GALNT2: variants seen among roughly 807,000 people sequenced by gnomAD.
GALNT2 encodes UDP-GalNAc:polypeptide N-acetylgalactosaminyltransferase 2.
A neutral mutation model predicts 81.4 loss-of-function variants in GALNT2; 31 were observed. The observed-to-expected ratio is 0.38, with a 90% confidence interval of 0.29 to 0.51. The LOEUF (loss-of-function observed/expected upper bound fraction) is 0.51. GALNT2 is among the 20% of genes least tolerant of loss of function. The pLI, the probability that GALNT2 is intolerant of heterozygous loss-of-function variation, is 0.87. For missense variants in GALNT2, 629 were observed against 765.7 expected (o/e 0.82, Z 2.11); for synonymous variants, 303 against 287.4 (o/e 1.05, Z -0.55).
intron 1 of GALNT2, among the ~76,000 whole-genome samples, chr1:230,153,927 C>T (rs1293268606): frequency 6.6e-6 from 1 of 152,242 alleles, no homozygotes; most frequent in Non-Finnish European, 1.5e-5. Context: ...GTGCCCAGTG[C>T]CTCTTACAAA....
intron 2 of GALNT2, among the ~76,000 whole-genome samples, chr1:230,182,041 T>C (rs1349102202): frequency 1.3e-5 from 2 of 152,222 alleles, no homozygotes; most frequent in Admixed American, 6.5e-5. Context: ...GTTCATACTA[T>C]TCCGTATTGT....
chr1:230,189,810 A>G (rs1040903113), intron 2 of GALNT2, among the ~76,000 whole-genome samples: 1 of 152,192 alleles, frequency 6.6e-6, no homozygotes, highest in East Asian at 1.9e-4. Flanking sequence ...CCAATGTCCC[A>G]TTCCTCCCTC....
chr1:230,057,881 T>C, upstream of GALNT2: 1 of 340,288 alleles, frequency 2.9e-6, no homozygotes, highest in Non-Finnish European at 6.0e-6. Context: ...GCAGGAGGGG[T>C]AGGAAATGGG....
chr1:230,243,252 G>A lies in GALNT2; in HGVS notation c.608-54G>A. 1 of 1,550,598 alleles carries A rather than the reference G, an allele frequency of 6.4e-7. No homozygotes were observed. The highest frequency in any genetic ancestry group is 8.7e-7 in the Non-Finnish European group (1 of 1,150,250). ...AGGCGTCGCCGGTTGGCATGGGGTT[G>A]TGCTGGCCCTGTGGCTTCTCTCTCC... On this transcript the variant is annotated intron_variant, in intron 6 of 15. Coordinates refer to ENST00000366672, the MANE Select transcript of GALNT2 (RefSeq NM_004481.5). The surrounding 1 kb of genome is among the most constrained non-coding windows in gnomAD (Gnocchi z 4.2).
intron 3 of GALNT2, among the ~76,000 whole-genome samples, chr1:230,233,852 G>T (rs1664941902): frequency 6.6e-6 from 1 of 152,172 alleles, no homozygotes; most frequent in African/African-American, 2.4e-5. Flanking sequence ...TCTGCATAGG[G>T]GAGAGGCAAG....
At chr1:230,263,897 G>A (rs1467347789) in intron 13 of GALNT2, 2 of 152,226 alleles carry the variant, frequency 1.3e-5, no homozygotes, top group African/African-American at 4.8e-5. Flanking sequence ...GGACAGTTAG[G>A]TAATGCGGCC....
At chr1:230,249,748 G>A (rs185255258) in intron 9 of GALNT2, among the ~76,000 whole-genome samples, 10 of 152,346 alleles carry the variant, frequency 6.6e-5, no homozygotes, top group Admixed American at 1.3e-4. Context: ...TTCTCTAGCT[G>A]GGGAGAGAAG....
At chr1:230,104,396 C>T (rs1660480990) in intron 1 of GALNT2, among the ~76,000 whole-genome samples, 1 of 152,156 alleles carries the variant, frequency 6.6e-6, no homozygotes, top group Admixed American at 6.5e-5. Context: ...TGGTGGGCCT[C>T]AAAGAGAGGC....
intron 1 of GALNT2, among the ~76,000 whole-genome samples, chr1:230,094,112 C>G (rs1660173512): frequency 6.6e-6 from 1 of 152,032 alleles, no homozygotes; most frequent in Admixed American, 6.6e-5. Context: ...ATCCTCCTGC[C>G]TCAGCATCCT....
chr1:230,274,113 C>T (rs1666221333), intron 14 of GALNT2, among the ~76,000 whole-genome samples: 1 of 152,146 alleles, frequency 6.6e-6, no homozygotes, highest in African/African-American at 2.4e-5. Context: ...TTTTACAGCT[C>T]ACATTGAATT....
intron 15 of GALNT2, among the ~76,000 whole-genome samples, chr1:230,278,581 C>A (rs1666357208): frequency 6.6e-6 from 1 of 152,054 alleles, no homozygotes; most frequent in African/African-American, 2.4e-5. Context: ...AGGCATCGTA[C>A]CCTGTACTTT....
rs890997416 is a variant in GALNT2, at chr1:230,116,175, T to A, written c.126+48769T>A. Among the ~76,000 whole-genome samples, 7 of 152,250 alleles carry A rather than the reference T, an allele frequency of 4.6e-5. 1 individual carries two copies. Among genetic ancestry groups the A allele is most frequent in the African/African-American group, 1.7e-4 (7 of 41,474 alleles). Reference sequence around the variant, plus strand: ...TCTTTCCAGAAGGATTTCACTTGACTTTGCCCAGATCTATAAGAGGAGTCA... The same window carrying A: ...TCTTTCCAGAAGGATTTCACTTGACATTGCCCAGATCTATAAGAGGAGTCA... On this transcript the variant is annotated intron_variant, in intron 1 of 15. Coordinates refer to ENST00000366672, the MANE Select transcript of GALNT2 (RefSeq NM_004481.5).
intron 1 of GALNT2, among the ~76,000 whole-genome samples, chr1:230,164,204 G>A (rs1045772581): frequency 6.6e-6 from 1 of 152,196 alleles, no homozygotes. Context: ...CATCACTGTT[G>A]CTGTTATTTC....
intron 14 of GALNT2, among the ~76,000 whole-genome samples, chr1:230,273,895 A>C (rs1036536247): frequency 6.6e-6 from 1 of 152,240 alleles, no homozygotes; most frequent in African/African-American, 2.4e-5. Flanking sequence ...AGAGGGCTTC[A>C]TGAGCACCCA....
chr1:230,057,854 G>A (rs184871437), upstream of GALNT2: 132 of 344,954 alleles, frequency 3.8e-4, no homozygotes, highest in Middle Eastern at 1.6e-3. Context: ...TACCCTAAAG[G>A]AAGGTAGCAA....
intron 6 of GALNT2, among the ~76,000 whole-genome samples, chr1:230,242,709 C>T (rs1201924254): frequency 2.0e-5 from 3 of 152,178 alleles, no homozygotes; most frequent in Admixed American, 2.0e-4. Context: ...TTGAAATACA[C>T]TATTTGTATT....
intron 1 of GALNT2, among the ~76,000 whole-genome samples, chr1:230,091,050 G>C (rs1660057684): frequency 6.6e-6 from 1 of 150,918 alleles, no homozygotes; most frequent in Admixed American, 6.6e-5. Context: ...GTACTCCGCA[G>C]ACCTTTTCTT....
At chr1:230,146,802 C>T (rs1184205058) in intron 1 of GALNT2, among the ~76,000 whole-genome samples, 1 of 152,208 alleles carries the variant, frequency 6.6e-6, no homozygotes, top group Non-Finnish European at 1.5e-5. Context: ...GCACGCACCT[C>T]AGAGCGGCCC....
At chr1:230,088,952 G>T (rs4846831) in intron 1 of GALNT2, among the ~76,000 whole-genome samples, 1 of 151,978 alleles carries the variant, frequency 6.6e-6, no homozygotes, top group Non-Finnish European at 1.5e-5. Context: ...TACTTTCTGC[G>T]TCTGTGGATT....
Sources: gnomAD v4.1 joint callset for allele counts (sites outside exome capture counted in the v4.1 genomes callset) on GRCh38, gnomAD v4.1.1 for gene constraint, Gnocchi (gnomAD v3.1) non-coding constraint, MANE v1.5 for transcripts, NCBI Gene and HGNC (gene_info 2026-07-23, HGNC 2026-07-21) for gene names.